Variants in CDIN1 observed in about 807,000 individuals in gnomAD.
CDIN1 encodes CDAN1 interacting nuclease 1.
A neutral mutation model predicts 45.3 loss-of-function variants in CDIN1; 33 were observed. The ratio of observed to expected loss-of-function variants is 0.73; its 90% confidence interval spans 0.55 to 0.97. CDIN1 has a LOEUF of 0.97. CDIN1 is among the 50% of genes least tolerant of loss of function. CDIN1 has a pLI of 0.00. For synonymous variants in CDIN1, 118 were observed against 124.4 expected, an observed-to-expected ratio of 0.95 and a Z score of 0.34; for missense variants, 303 against 339.4, an observed-to-expected ratio of 0.89 and a Z score of 0.84.
Position 36,657,865 on chromosome 15 carries a change from T to C in CDIN1, c.306T>C (p.Leu102=). ...ATGCGCCCTCATTAATGGCTCGGCT[T>C]ATACTGGAGAGGTTTCTACAGGAAC... The part of the protein sequence containing the change: ...VDYAPSLMAR[L]ILERFLQEHE... The change falls in exon 5 of 11, where the codon CTT becomes CTC. Residue 102 remains leucine, a synonymous_variant. Coordinates refer to ENST00000566621, the MANE Select transcript of CDIN1 (RefSeq NM_001321759.2). The C allele has an allele frequency of 6.2e-7, 1 of 1,612,218 alleles. No individual in the cohort carries two copies. The highest frequency in any genetic ancestry group is 8.5e-7 in the Non-Finnish European group (1 of 1,179,098).
chr15:36,685,186 G>A (rs1379274085), intron 5 of CDIN1, among the ~76,000 whole-genome samples: 3 of 149,334 alleles, frequency 2.0e-5, no homozygotes, highest in Non-Finnish European at 3.0e-5. Context: ...TGTCAATTTT[G>A]GATCTTTCCT....
intron 10 of CDIN1, among the ~76,000 whole-genome samples, chr15:36,785,164 T>A (rs1330682144): frequency 6.6e-6 from 1 of 152,188 alleles, no homozygotes; most frequent in Non-Finnish European, 1.5e-5. Context: ...ATGGAGGATA[T>A]TCCCAGCTAT....
At chr15:36,626,737 G>T in intron 1 of CDIN1, 1 of 422,420 alleles carries the variant, frequency 2.4e-6, no homozygotes, top group South Asian at 1.8e-5. Flanking sequence ...CTTTCAGATT[G>T]ACTGGTGTTT....
intron 1 of CDIN1, among the ~76,000 whole-genome samples, chr15:36,597,342 C>G (rs2037884124): frequency 6.6e-6 from 1 of 152,206 alleles, no homozygotes; most frequent in Non-Finnish European, 1.5e-5. Context: ...TCAATGCTCT[C>G]AGTGACCTCT....
chr15:36,603,663 A>G (rs1049382632), intron 1 of CDIN1, among the ~76,000 whole-genome samples: 2 of 152,100 alleles, frequency 1.3e-5, no homozygotes, highest in Non-Finnish European at 2.9e-5. Context: ...CTCCTATTAT[A>G]TCATTGAAAC....
chr15:36,773,388 C>G (rs563127206), intron 10 of CDIN1, among the ~76,000 whole-genome samples: 5 of 152,288 alleles, frequency 3.3e-5, no homozygotes, highest in African/African-American at 1.2e-4. Flanking sequence ...TATTGCCATT[C>G]AACACTGGAA....
chr15:36,703,471 A>G (rs1422438921), intron 8 of CDIN1, among the ~76,000 whole-genome samples: 1 of 124,188 alleles, frequency 8.1e-6, no homozygotes, highest in African/African-American at 3.1e-5. Flanking sequence ...GTCCAGCCCT[A>G]TGGCGGGGTG....
intron 5 of CDIN1, among the ~76,000 whole-genome samples, chr15:36,661,415 A>T (rs1395595113): frequency 6.6e-6 from 1 of 151,968 alleles, no homozygotes; most frequent in African/African-American, 2.4e-5. Context: ...CTCTGTTTGG[A>T]TGTGTTTTTT....
intron 10 of CDIN1, among the ~76,000 whole-genome samples, chr15:36,743,289 A>G (rs1310193292): frequency 6.6e-6 from 1 of 152,184 alleles, no homozygotes; most frequent in African/African-American, 2.4e-5. Context: ...AAAGTCACTG[A>G]GAGTCAAATT....
intron 1 of CDIN1, among the ~76,000 whole-genome samples, chr15:36,638,827 A>G (rs1318047602): frequency 6.6e-6 from 1 of 152,232 alleles, no homozygotes; most frequent in African/African-American, 2.4e-5. Context: ...TGTTTGGAGT[A>G]TAATGTCACA....
intron 10 of CDIN1, among the ~76,000 whole-genome samples, chr15:36,768,077 C>T (rs561009963): frequency 1.3e-5 from 2 of 152,202 alleles, no homozygotes; most frequent in Non-Finnish European, 2.9e-5. Context: ...CCTCCCACCC[C>T]CAGGACCCCT....
At chr15:36,711,462 G>A (rs539171688) in intron 10 of CDIN1, among the ~76,000 whole-genome samples, 1 of 152,174 alleles carries the variant, frequency 6.6e-6, no homozygotes, top group East Asian at 1.9e-4. Context: ...ACCATTTAGA[G>A]GCTGATTAAA....
intron 10 of CDIN1, among the ~76,000 whole-genome samples, chr15:36,774,144 G>GTA (rs2054150889): frequency 2.4e-5 from 2 of 84,586 alleles, no homozygotes; most frequent in Admixed American, 3.3e-4. Flanking sequence ...GTGTGTGTGT[G>GTA]TGTGTGTGTG....
intron 3 of CDIN1, among the ~76,000 whole-genome samples, chr15:36,646,265 C>A (rs1478572309): frequency 6.6e-6 from 1 of 152,062 alleles, no homozygotes; most frequent in Non-Finnish European, 1.5e-5. Flanking sequence ...TTTCGGTAAT[C>A]ATTTTATTTA....
intron 1 of CDIN1, among the ~76,000 whole-genome samples, chr15:36,594,567 G>A (rs2037727781): frequency 6.6e-6 from 1 of 152,164 alleles, no homozygotes; most frequent in African/African-American, 2.4e-5. Context: ...TGAATATACT[G>A]TCTGCTGAAT....
At chr15:36,659,133 C>G (rs2040892194) in intron 5 of CDIN1, among the ~76,000 whole-genome samples, 1 of 152,124 alleles carries the variant, frequency 6.6e-6, no homozygotes, top group African/African-American at 2.4e-5. Context: ...AAATAGTAGT[C>G]AGCATAGTCT....
chr15:36,744,871 T>C (rs2044364414), intron 10 of CDIN1, among the ~76,000 whole-genome samples: 1 of 152,226 alleles, frequency 6.6e-6, no homozygotes, highest in Non-Finnish European at 1.5e-5. Context: ...GAAGTTTTTC[T>C]GATATATGGC....
At chr15:36,714,199 G>C (rs1348557358) in intron 10 of CDIN1, among the ~76,000 whole-genome samples, 2 of 152,142 alleles carry the variant, frequency 1.3e-5, no homozygotes, top group Non-Finnish European at 2.9e-5. Context: ...GACTTTTGCA[G>C]TCCTATTTCA....
chr15:36,609,861 G>A (rs1203826632), intron 1 of CDIN1, among the ~76,000 whole-genome samples: 1 of 152,218 alleles, frequency 6.6e-6, no homozygotes, highest in African/African-American at 2.4e-5. Flanking sequence ...TAAGAAGGAT[G>A]TAGTGCCAGG....
Sources: allele counts gnomAD v4.1 joint callset (sites outside exome capture counted in the v4.1 genomes callset), GRCh38; gene constraint gnomAD v4.1.1; transcripts MANE v1.5; gene names NCBI Gene and HGNC (gene_info 2026-07-23, HGNC 2026-07-21).